CFAP299: variants seen among roughly 807,000 people sequenced by gnomAD.
The protein encoded by CFAP299 is cilia and flagella associated protein 299, also known as cilia- and flagella-associated protein 299.
Under a neutral mutation model 27.0 loss-of-function variants are expected in CFAP299, and 21 were observed. The ratio of observed to expected loss-of-function variants is 0.78; its 90% confidence interval spans 0.55 to 1.12. The LOEUF is 1.12. Ranked by LOEUF, CFAP299 falls within the 50% of genes most tolerant of loss-of-function variation. The pLI is 0.00. For synonymous variants in CFAP299, 104 were observed against 98.1 expected, an observed-to-expected ratio of 1.06 and a Z score of -0.36; for missense variants, 310 against 276.6, an observed-to-expected ratio of 1.12 and a Z score of -0.86.
intron 2 of CFAP299, among the ~76,000 whole-genome samples, chr4:80,384,156 G>T (rs1724851361): frequency 1.3e-5 from 2 of 151,858 alleles, no homozygotes; most frequent in Admixed American, 6.6e-5. Flanking sequence ...ATCTCCTCCT[G>T]CCCCTACAAA....
chr4:80,483,716 A>G (rs1057201009), intron 2 of CFAP299, among the ~76,000 whole-genome samples: 1 of 152,180 alleles, frequency 6.6e-6, no homozygotes, highest in Non-Finnish European at 1.5e-5. Context: ...AACTTTTTCC[A>G]TGCCTTCTCC....
intron 4 of CFAP299, among the ~76,000 whole-genome samples, chr4:80,905,839 G>A (rs1735155639): frequency 6.6e-6 from 1 of 152,118 alleles, no homozygotes; most frequent in Non-Finnish European, 1.5e-5. Flanking sequence ...CCCATGACGT[G>A]GGGATTATGG....
At chr4:80,880,645 G>C (rs1159983241) in intron 4 of CFAP299, among the ~76,000 whole-genome samples, 2 of 152,130 alleles carry the variant, frequency 1.3e-5, no homozygotes, top group Non-Finnish European at 2.9e-5. Flanking sequence ...AGAATCACTT[G>C]AACCCAGGAG....
chr4:80,345,247 T>TC (rs1346433605), intron 1 of CFAP299, among the ~76,000 whole-genome samples: 2 of 152,116 alleles, frequency 1.3e-5, no homozygotes, highest in Non-Finnish European at 2.9e-5. Flanking sequence ...AATCCCATTG[T>TC]CCCAGCCCAA....
intron 2 of CFAP299, among the ~76,000 whole-genome samples, chr4:80,391,010 C>A (rs1725447309): frequency 7.4e-6 from 1 of 134,428 alleles, no homozygotes; most frequent in Admixed American, 7.6e-5. Flanking sequence ...TGTATGTACA[C>A]ACATGTATAT....
intron 2 of CFAP299, among the ~76,000 whole-genome samples, chr4:80,552,796 T>C (rs1347644729): frequency 2.0e-5 from 3 of 152,056 alleles, no homozygotes; most frequent in Admixed American, 6.6e-5. Context: ...CAAGCAGTCC[T>C]TCCACCTCAG....
At chr4:80,900,012 A>T (rs1734806622) in intron 4 of CFAP299, among the ~76,000 whole-genome samples, 1 of 152,158 alleles carries the variant, frequency 6.6e-6, no homozygotes, top group Non-Finnish European at 1.5e-5. Context: ...AACGGGTCAG[A>T]GAAAAACCCT....
At chr4:80,566,215 A>G (rs892637694) in intron 2 of CFAP299, among the ~76,000 whole-genome samples, 10 of 152,068 alleles carry the variant, frequency 6.6e-5, no homozygotes, top group African/African-American at 2.4e-4. Flanking sequence ...CAGTATTTCA[A>G]GTTTTATTAA....
At chr4:80,666,785 T>A (rs1681537821) in intron 3 of CFAP299, among the ~76,000 whole-genome samples, 1 of 152,214 alleles carries the variant, frequency 6.6e-6, no homozygotes, top group South Asian at 2.1e-4. Flanking sequence ...AAAGCAGTAG[T>A]CACACTCACT....
At position 80,909,146 on chromosome 4, in the gene CFAP299, A is replaced by C. The variant is rs192683148; in HGVS notation, c.477-35664A>C. ...TTAAACATCTATAGTTGTGGTTGTG[A>C]ATTTGAATTCAGATCTGTATTACCA... On this transcript the variant is annotated intron_variant, in intron 4 of 5. Transcript: ENST00000358105. Among the ~76,000 whole-genome samples, 28 of 152,242 alleles carry C rather than the reference A, an allele frequency of 1.8e-4. No homozygotes were observed. In the East Asian group the frequency reaches 5.4e-3, roughly 29 times the overall value.
intron 3 of CFAP299, among the ~76,000 whole-genome samples, chr4:80,693,892 A>C (rs2110019819): frequency 6.6e-6 from 1 of 152,188 alleles, no homozygotes; most frequent in East Asian, 1.9e-4. Context: ...ATTTTGCAAT[A>C]AAAATTTGTA....
intron 3 of CFAP299, among the ~76,000 whole-genome samples, chr4:80,777,113 G>C (rs960413833): frequency 6.6e-6 from 1 of 151,962 alleles, no homozygotes; most frequent in African/African-American, 2.4e-5. Context: ...GTTTTCAGGT[G>C]TGATCAAAAA....
intron 3 of CFAP299, among the ~76,000 whole-genome samples, chr4:80,590,482 C>A (rs1419037198): frequency 1.3e-5 from 2 of 151,898 alleles, no homozygotes; most frequent in African/African-American, 4.8e-5. Flanking sequence ...ACTAAAAATA[C>A]AAAAAAATAG....
intron 3 of CFAP299, among the ~76,000 whole-genome samples, chr4:80,620,559 A>C (rs189564265): frequency 6.6e-6 from 1 of 152,256 alleles, no homozygotes; most frequent in Non-Finnish European, 1.5e-5. Flanking sequence ...ACTATGTTTC[A>C]GTTGCTTTAG....
chr4:80,591,216 C>T (rs1205887036), intron 3 of CFAP299, among the ~76,000 whole-genome samples: 13 of 147,566 alleles, frequency 8.8e-5, no homozygotes, highest in Middle Eastern at 3.6e-3. Context: ...CTCCGCCTCC[C>T]GGGTTCACGC....
Position 80,390,525 on chromosome 4 carries a change from ATATGTATATATG to A in CFAP299, c.242+27645_242+27656del, listed in dbSNP as rs1245285997. Among the ~76,000 whole-genome samples, 27 of 57,154 alleles carry A rather than the reference ATATGTATATATG, an allele frequency of 4.7e-4. 1 individual carries two copies. The highest frequency in any genetic ancestry group is 1.1e-3 in the South Asian group (2 of 1,772). The allele number at this position is 57,154 out of a possible 152,430, so 37.5% of individuals were successfully genotyped here. On this transcript the variant is annotated intron_variant, in intron 2 of 5. Coordinates refer to ENST00000358105, the MANE Select transcript of CFAP299 (RefSeq NM_152770.3). ...TGTATATATACACACATATATGTATATATGTATATATGTATACACACATATATGTATATATGT... is the reference window on the plus strand; with the variant it reads ...TGTATATATACACACATATATGTATATATACACACATATATGTATATATGT...
At chr4:80,828,845 T>C (rs1484610701) in intron 3 of CFAP299, among the ~76,000 whole-genome samples, 1 of 152,090 alleles carries the variant, frequency 6.6e-6, no homozygotes, top group Non-Finnish European at 1.5e-5. Context: ...GAATAAATAA[T>C]GTTTTTAGTG....
At chr4:80,535,104 G>T (rs1049158060) in intron 2 of CFAP299, among the ~76,000 whole-genome samples, 13 of 152,084 alleles carry the variant, frequency 8.5e-5, no homozygotes, top group African/African-American at 3.1e-4. Context: ...CCATTAAGAA[G>T]AATCATCTTC....
rs560940308 is a variant in CFAP299, at chr4:80,402,116, C to T, written c.242+39232C>T. ...AGTAACTAGCTTGCTTTTGATTTTA[C>T]AGGCTCATAGGCAGAAGGGACTTGC... On this transcript the variant is annotated intron_variant, in intron 2 of 5. Coordinates refer to ENST00000358105, the MANE Select transcript of CFAP299 (RefSeq NM_152770.3). Among the ~76,000 whole-genome samples the T allele has an allele frequency of 4.6e-4, 70 of 152,284 alleles. 1 individual carries two copies. Among genetic ancestry groups the T allele is most frequent in the African/African-American group, 1.6e-3 (68 of 41,560 alleles).
Sources: allele counts gnomAD v4.1 joint callset (sites outside exome capture counted in the v4.1 genomes callset), GRCh38; gene constraint gnomAD v4.1.1; transcripts MANE v1.5; gene names NCBI Gene and HGNC (gene_info 2026-07-23, HGNC 2026-07-21).